C1orf21: variants seen among roughly 807,000 people sequenced by gnomAD.
C1orf21 encodes chromosome 1 open reading frame 21.
A neutral mutation model predicts 18.7 loss-of-function variants in C1orf21; 3 were observed. The ratio of observed to expected loss-of-function variants is 0.16; its 90% CI spans 0.07 to 0.42. The LOEUF (loss-of-function observed/expected upper bound fraction) is 0.42. Among genes scored for constraint, C1orf21 ranks in the 10% least tolerant of loss-of-function variants. The probability of loss-of-function intolerance (pLI) is 0.99; values close to 1 mark genes in which losing one functional copy is unlikely to be tolerated. For synonymous variants in C1orf21, 41 were observed against 46.4 expected (o/e 0.88, Z 0.47); for missense variants, 104 against 143.6 (o/e 0.72, Z 1.41).
chr1:184,512,474 A>T (rs1397309775), intron 3 of C1orf21, among the ~76,000 whole-genome samples: 2 of 152,210 alleles, frequency 1.3e-5, no homozygotes. Flanking sequence ...TCTGAGGCTG[A>T]TGATGAATGA....
At chr1:184,617,621 G>A (rs1018950333) in intron 5 of C1orf21, among the ~76,000 whole-genome samples, 1 of 152,182 alleles carries the variant, frequency 6.6e-6, no homozygotes, top group African/African-American at 2.4e-5. Context: ...TGACTGGCAA[G>A]TACACACTCC....
chr1:184,545,342 A>G (rs1321023097), intron 3 of C1orf21, among the ~76,000 whole-genome samples: 1 of 152,254 alleles, frequency 6.6e-6, no homozygotes, highest in Non-Finnish European at 1.5e-5. Context: ...ACTATTAAGT[A>G]AAGAAAGAAT....
intron 5 of C1orf21, among the ~76,000 whole-genome samples, chr1:184,617,729 T>G (rs1659850271): frequency 6.6e-6 from 1 of 152,074 alleles, no homozygotes; most frequent in Non-Finnish European, 1.5e-5. Context: ...TCAGACACTC[T>G]GCAAGCGGTA....
chr1:184,555,520 C>T (rs1391203215), intron 3 of C1orf21, among the ~76,000 whole-genome samples: 1 of 142,722 alleles, frequency 7.0e-6, no homozygotes, highest in Non-Finnish European at 1.5e-5. Flanking sequence ...GAATAGCACA[C>T]ACACCCCCAC....
chr1:184,432,390 A>G (rs1264269356), intron 1 of C1orf21, among the ~76,000 whole-genome samples: 1 of 152,176 alleles, frequency 6.6e-6, no homozygotes, highest in African/African-American at 2.4e-5. Flanking sequence ...GAAGCTGGAA[A>G]CTATCATTCT....
chr1:184,568,840 G>C (rs974524766), intron 3 of C1orf21, among the ~76,000 whole-genome samples: 1 of 152,198 alleles, frequency 6.6e-6, no homozygotes, highest in Admixed American at 6.5e-5. Context: ...TCTGTGCCCA[G>C]CTTCATTCTG....
At chr1:184,539,428 A>C (rs1658611316) in intron 3 of C1orf21, among the ~76,000 whole-genome samples, 2 of 152,140 alleles carry the variant, frequency 1.3e-5, no homozygotes, top group African/African-American at 4.8e-5. Flanking sequence ...CAATGTTCAT[A>C]AGAAATATTG....
chr1:184,604,116 G>C (rs533850969), intron 5 of C1orf21, among the ~76,000 whole-genome samples: 2 of 152,352 alleles, frequency 1.3e-5, no homozygotes, highest in African/African-American at 4.8e-5. Flanking sequence ...TGGGTTCTAC[G>C]TGTAAACGAT....
At chr1:184,540,032 G>C (rs565515143) in intron 3 of C1orf21, 4 of 152,220 alleles carry the variant, frequency 2.6e-5, no homozygotes, top group African/African-American at 9.6e-5. Flanking sequence ...TCTGTTTTGG[G>C]GATGTTTGTT....
rs988009617 is a variant in C1orf21, at chr1:184,622,343, C to G, written c.*2787C>G. The G allele has an allele frequency of 3.9e-5, 6 of 152,372 alleles. No homozygotes were observed. Among genetic ancestry groups the G allele is most frequent in the African/African-American group, 1.4e-4 (6 of 41,428 alleles). 9.4% of individuals were successfully genotyped at this position (152,372 alleles called of 1,614,324 possible). A position where few individuals can be genotyped will look rare whatever the true frequency, so the allele number is the denominator to read the frequency against. ...GGGGTGAAATTGGAAATCCAGCTGC[C>G]TAGTGGCCAGTGGGTGGGGCAAGAC... On this transcript the variant is annotated 3_prime_UTR_variant, in exon 6 of 6. Transcript: ENST00000235307.
chr1:184,514,290 G>A (rs1025683318), intron 3 of C1orf21, among the ~76,000 whole-genome samples: 2 of 152,092 alleles, frequency 1.3e-5, no homozygotes, highest in South Asian at 4.2e-4. Context: ...GAGTGACAGA[G>A]CAAGACCCTG....
intron 2 of C1orf21, 139 bp downstream of exon 2, chr1:184,477,742 G>A (rs1657594356): frequency 6.0e-6 from 4 of 662,618 alleles, no homozygotes; most frequent in South Asian, 4.1e-5. Flanking sequence ...CGATCAAGTC[G>A]GTATTTAGGA....
chr1:184,449,835 C>T (rs1050839029), intron 1 of C1orf21, among the ~76,000 whole-genome samples: 1 of 152,160 alleles, frequency 6.6e-6, no homozygotes, highest in African/African-American at 2.4e-5. Context: ...GATCATGTAT[C>T]TCCATATCAC....
chr1:184,393,524 G>T (rs1238365690), intron 1 of C1orf21, among the ~76,000 whole-genome samples: 1 of 152,154 alleles, frequency 6.6e-6, no homozygotes, highest in Non-Finnish European at 1.5e-5. Context: ...CAAGTTTAGG[G>T]ATCTTTTTGC....
intron 1 of C1orf21, among the ~76,000 whole-genome samples, chr1:184,472,773 A>G (rs1181813775): frequency 6.6e-6 from 1 of 152,204 alleles, no homozygotes; most frequent in African/African-American, 2.4e-5. Flanking sequence ...TGTGATATGT[A>G]TTCATACAAA....
rs1277646878 is a variant in C1orf21, at chr1:184,477,418, T to C, written c.-92T>C. 2 of 1,016,642 alleles carry C rather than the reference T, an allele frequency of 2.0e-6. No individual in the cohort carries two copies. The highest frequency in any genetic ancestry group is 3.1e-5 in the South Asian group (2 of 65,006). The allele number at this position is 1,016,642 out of a possible 1,614,324, so 63.0% of individuals were successfully genotyped here. ...CATCTTGACCAACTCAGCAGCAAGG[T>C]GGATTTTCTTTGTGTTTAAAGAAAA... On this transcript the variant is annotated 5_prime_UTR_variant, in exon 2 of 6. Transcript: ENST00000235307.
chr1:184,542,048 C>T (rs1658659726), intron 3 of C1orf21, among the ~76,000 whole-genome samples: 1 of 152,118 alleles, frequency 6.6e-6, no homozygotes, highest in Non-Finnish European at 1.5e-5. Flanking sequence ...AGGCAAATTC[C>T]TCTTCTATAC....
At chr1:184,534,257 G>A (rs1658513540) in intron 3 of C1orf21, among the ~76,000 whole-genome samples, 1 of 152,144 alleles carries the variant, frequency 6.6e-6, no homozygotes, top group African/African-American at 2.4e-5. Context: ...TTCTGTTTAA[G>A]CGAATTTAGA....
intron 3 of C1orf21, among the ~76,000 whole-genome samples, chr1:184,512,312 T>C (rs1052108156): frequency 6.6e-6 from 1 of 152,216 alleles, no homozygotes; most frequent in African/African-American, 2.4e-5. Flanking sequence ...TGTAAGCTCA[T>C]GAGGCTAAAA....
Sources: gnomAD v4.1 joint callset for allele counts (sites outside exome capture counted in the v4.1 genomes callset) on GRCh38, gnomAD v4.1.1 for gene constraint, MANE v1.5 for transcripts, NCBI Gene and HGNC (gene_info 2026-07-23, HGNC 2026-07-21) for gene names.